VWA2: variants seen among roughly 807,000 people sequenced by gnomAD.
VWA2 encodes the protein von Willebrand factor A domain-containing protein 2.
Under a neutral mutation model 70.4 loss-of-function variants are expected in VWA2, and 73 were observed. That is an observed-to-expected ratio of 1.04 (90% CI 0.86 to 1.26). VWA2 has a LOEUF of 1.26. Among genes scored for constraint, VWA2 ranks in the 50% most tolerant of loss-of-function variants. The pLI, the probability that VWA2 is intolerant of heterozygous loss-of-function variation, is 0.00. For synonymous variants in VWA2, 407 were observed against 423.3 expected (o/e 0.96, Z 0.47); for missense variants, 1,011 against 998.5 (o/e 1.01, Z -0.17).
intron 5 of VWA2, among the ~76,000 whole-genome samples, chr10:114,263,648 T>G (rs943308523): frequency 1.3e-5 from 2 of 152,110 alleles, no homozygotes; most frequent in Admixed American, 6.5e-5. Context: ...AATCTGCACT[T>G]TTAAAAGGCG....
Position 114,276,009 on chromosome 10 carries a change from C to A in VWA2, c.567-1905C>A, listed in dbSNP as rs115271472. On this transcript the variant is annotated intron_variant, in intron 6 of 13. Transcript: ENST00000392982. Reference sequence around the variant, plus strand: ...AATGTTTATTATTTGATTCAGCAGACATAAAATGACTGTCTCATCGCTGTC... The same window carrying A: ...AATGTTTATTATTTGATTCAGCAGAAATAAAATGACTGTCTCATCGCTGTC... Among the ~76,000 whole-genome samples the A allele has an allele frequency of 3.5e-3, 537 of 152,328 alleles. 6 individuals are homozygous for A. Among genetic ancestry groups the A allele is most frequent in the African/African-American group, 0.012 (518 of 41,572 alleles).
intron 12 of VWA2, chr10:114,290,030 C>T (rs575822389): frequency 1.2e-5 from 6 of 504,540 alleles, no homozygotes; most frequent in Middle Eastern, 5.4e-4. Context: ...GTGTATGGCA[C>T]GTCTGAGCAA....
At chr10:114,281,772 C>T (rs1205287470) in intron 8 of VWA2, 1 of 984,916 alleles carries the variant, frequency 1.0e-6, no homozygotes, top group African/African-American at 1.7e-5. Flanking sequence ...CCCATCGAAG[C>T]TTTAAGGAAT....
intron 8 of VWA2, among the ~76,000 whole-genome samples, chr10:114,279,401 C>T (rs1044630735): frequency 4.6e-5 from 7 of 152,076 alleles, no homozygotes; most frequent in Admixed American, 1.3e-4. Context: ...CACCTCTGTC[C>T]GGAGACTGGT....
At chr10:114,268,909 A>G (rs2037638575) in intron 5 of VWA2, among the ~76,000 whole-genome samples, 1 of 152,002 alleles carries the variant, frequency 6.6e-6, no homozygotes, top group East Asian at 1.9e-4. Flanking sequence ...GTTAGCCAGG[A>G]TGGTCTCGAT....
At chr10:114,261,092 G>T in intron 4 of VWA2, 94 bp from the exon 5 acceptor site, 1 of 839,414 alleles carries the variant, frequency 1.2e-6, no homozygotes. Flanking sequence ...GTGGATGGGA[G>T]GCAGGGTTGT....
intron 1 of VWA2, chr10:114,246,715 T>C (rs2037080577): frequency 1.9e-6 from 3 of 1,538,672 alleles, no homozygotes; most frequent in Admixed American, 3.3e-5. Flanking sequence ...CAAACAGTCT[T>C]AGGAATCGTG....
intron 10 of VWA2, 154 bp downstream of exon 10, chr10:114,285,124 C>T: frequency 1.7e-6 from 1 of 582,312 alleles, no homozygotes; most frequent in Non-Finnish European, 2.9e-6. Flanking sequence ...TCACGTGGTG[C>T]AGCCTGTCAG....
intron 6 of VWA2, among the ~76,000 whole-genome samples, chr10:114,275,410 C>T (rs550781161): frequency 1.4e-4 from 21 of 152,318 alleles, no homozygotes; most frequent in Non-Finnish European, 2.6e-4. Context: ...GCCCTCTGCC[C>T]GCCGTTTCCC....
chr10:114,253,925 C>T (rs1412557756), intron 3 of VWA2, among the ~76,000 whole-genome samples, 200 bp downstream of exon 3: 2 of 151,790 alleles, frequency 1.3e-5, no homozygotes, highest in Non-Finnish European at 2.9e-5. Context: ...GCCTGTAATT[C>T]CAGCTACTCG....
At chr10:114,244,729 G>A (rs753291748) in intron 1 of VWA2, among the ~76,000 whole-genome samples, 5 of 152,220 alleles carry the variant, frequency 3.3e-5, no homozygotes, top group East Asian at 1.9e-4. Flanking sequence ...CTGCCTATTC[G>A]AGATGACTGG....
chr10:114,276,209 G>A (rs2037837868), intron 6 of VWA2, among the ~76,000 whole-genome samples: 1 of 152,102 alleles, frequency 6.6e-6, no homozygotes, highest in Non-Finnish European at 1.5e-5. Context: ...GGGCTCCCAG[G>A]ACCACCTGAC....
At position 114,286,360 on chromosome 10, in the gene VWA2, G is replaced by A. The variant is rs780725593; in HGVS notation, c.1419G>A (p.Leu473=). Residue 473 remains leucine, a synonymous_variant, in exon 11 of 14, where the codon CTG becomes CTA. Coordinates refer to ENST00000392982, the MANE Select transcript of VWA2 (RefSeq NM_001272046.2). ...CGCGTCACGCAAGGGCGCGAGAGCT[G>A]CTCCTGCTGGGTGTAGGCAGTGAGG... is the stretch of plus-strand genomic sequence containing the variant. ...GPARHARARE[L]LLLGVGSEAV... is the part of the protein sequence containing the mutation. The A allele has an allele frequency of 1.2e-6, 2 of 1,613,818 alleles. No individual in the cohort carries two copies. Among genetic ancestry groups the A allele is most frequent in the South Asian group, 2.2e-5 (2 of 91,074 alleles).
rs1260839131 is a variant in VWA2 at position 114,278,741 on chromosome 10, C to T, written c.723C>T (p.Pro241=). The change falls in exon 8 of 14, where the codon CCC becomes CCT. Residue 241 remains proline (P), a synonymous_variant. Coordinates refer to ENST00000392982, the MANE Select transcript of VWA2 (RefSeq NM_001272046.2). Reference sequence around the variant, plus strand: ...CAGACTGCAGGGTCGAGGCTCACCCCTGTGAGCACAGGACGCTGGAGATGG... The same window carrying T: ...CAGACTGCAGGGTCGAGGCTCACCCTTGTGAGCACAGGACGCTGGAGATGG... ...ATPDCRVEAH[P]CEHRTLEMVR... is the part of the protein sequence containing the mutation. 3 of 1,614,002 alleles carry T rather than the reference C, an allele frequency of 1.9e-6. No individual in the cohort carries two copies. In the African/African-American group the frequency reaches 4.0e-5, roughly 22 times the overall value.
chr10:114,261,074 T>C, intron 4 of VWA2, 112 bp from the exon 5 acceptor site: 1 of 709,380 alleles, frequency 1.4e-6, no homozygotes, highest in Non-Finnish European at 2.4e-6. Flanking sequence ...GGCACTGGTG[T>C]TTGTTGAGTG....
intron 8 of VWA2, among the ~76,000 whole-genome samples, chr10:114,280,368 A>G (rs1159159114): frequency 1.3e-5 from 2 of 152,178 alleles, no homozygotes; most frequent in Admixed American, 1.3e-4. Flanking sequence ...ATGAATACAG[A>G]AAATAAACTG....
intron 4 of VWA2, among the ~76,000 whole-genome samples, chr10:114,260,681 G>C (rs114889632): frequency 2.1e-3 from 315 of 152,294 alleles, no homozygotes; most frequent in African/African-American, 7.1e-3. Flanking sequence ...AAGTCCAATG[G>C]CCTGGCTGCC....
intron 2 of VWA2, among the ~76,000 whole-genome samples, chr10:114,249,725 T>C (rs1023552273): frequency 5.3e-5 from 8 of 152,228 alleles, no homozygotes; most frequent in Non-Finnish European, 1.0e-4. Context: ...ACATGTTCTC[T>C]ATCCAGTCTA....
At chr10:114,278,477 G>A (rs888391183) in intron 7 of VWA2, among the ~76,000 whole-genome samples, 3 of 152,210 alleles carry the variant, frequency 2.0e-5, no homozygotes, top group Non-Finnish European at 2.9e-5. Flanking sequence ...TGCCCATTAC[G>A]CAAAAGCTGT....
Sources: gnomAD v4.1 joint callset for allele counts (sites outside exome capture counted in the v4.1 genomes callset) on GRCh38, gnomAD v4.1.1 for gene constraint, MANE v1.5 for transcripts, NCBI Gene and HGNC (gene_info 2026-07-23, HGNC 2026-07-21) for gene names.